VCL: variants seen among roughly 807,000 people sequenced by gnomAD.
VCL encodes vinculin.
Under a neutral mutation model 125.7 loss-of-function variants are expected in VCL, and 47 were observed. The ratio of observed to expected loss-of-function variants is 0.37; its 90% confidence interval spans 0.30 to 0.48. The LOEUF (loss-of-function observed/expected upper bound fraction) is 0.48. Ranked by LOEUF, VCL falls within the 20% of genes least tolerant of loss-of-function variation. The pLI, the probability that VCL is intolerant of heterozygous loss-of-function variation, is 0.99. For missense variants in VCL, 1,069 were observed against 1,455.5 expected, an observed-to-expected ratio of 0.73 and a Z score of 4.32; for synonymous variants, 458 against 514.6, an observed-to-expected ratio of 0.89 and a Z score of 1.49.
At chr10:74,017,553 CTTTCT>C (rs1565634498) in intron 1 of VCL, among the ~76,000 whole-genome samples, 3 of 140,840 alleles carry the variant, frequency 2.1e-5, no homozygotes, top group African/African-American at 2.7e-5. Flanking sequence ...TTCTTTCTTT[CTTTCT>C]TTTTTTTTTT....
intron 2 of VCL, among the ~76,000 whole-genome samples, chr10:74,050,555 G>A (rs1193472235): frequency 6.6e-6 from 1 of 152,126 alleles, no homozygotes; most frequent in Non-Finnish European, 1.5e-5. Context: ...ATCAGGCCTT[G>A]TAGCTTTTTC....
rs1308726131 is a variant in VCL at position 74,119,785 on chromosome 10, A to ATAT, written c.*1618_*1620dup. 1 of 152,634 alleles carries ATAT rather than the reference A, an allele frequency of 6.6e-6. No individual in the cohort carries two copies. 9.5% of individuals were successfully genotyped at this position (152,634 alleles called of 1,614,324 possible). The stretch of plus-strand genomic sequence containing the variant: ...GATGATTATTTTCAAGGCCCTCAGC[A>ATAT]TATTTGTATAGTTGCTTGCCTGATA... On this transcript the variant is annotated 3_prime_UTR_variant, in exon 22 of 22. Coordinates refer to ENST00000211998, the MANE Select transcript of VCL (RefSeq NM_014000.3).
At chr10:74,045,834 A>C (rs1177316212) in intron 2 of VCL, among the ~76,000 whole-genome samples, 12 of 152,094 alleles carry the variant, frequency 7.9e-5, no homozygotes, top group Non-Finnish European at 1.6e-4. Context: ...TTTTTGATTT[A>C]AGTGATGAGT....
At chr10:74,034,577 G>T (rs963866643) in intron 1 of VCL, among the ~76,000 whole-genome samples, 1 of 152,190 alleles carries the variant, frequency 6.6e-6, no homozygotes, top group Admixed American at 6.5e-5. Context: ...ATTTGTCAAC[G>T]AACAACAAGG....
chr10:74,010,051 A>G (rs1840402891), intron 1 of VCL, among the ~76,000 whole-genome samples: 1 of 151,958 alleles, frequency 6.6e-6, no homozygotes, highest in African/African-American at 2.4e-5. Flanking sequence ...CAGCCTCCCA[A>G]GTAGCCGAGA....
rs557786320 is a variant in VCL at position 74,085,315 on chromosome 10, G to A, written c.1022+1802G>A. On this transcript the variant is annotated intron_variant, in intron 8 of 21. Transcript: ENST00000211998. ...GGCTTATGAAAAATAAAGGGGCAGT[G>A]GTGAAGTCTGGCATGGGTAAATACA... Among the ~76,000 whole-genome samples the A allele has an allele frequency of 2.0e-5, 3 of 152,294 alleles. No individual in the cohort carries two copies. The South Asian group carries it at 6.2e-4, about 32-fold the overall frequency.
At chr10:74,066,959 C>T (rs1841579399) in intron 2 of VCL, among the ~76,000 whole-genome samples, 1 of 152,140 alleles carries the variant, frequency 6.6e-6, no homozygotes, top group Non-Finnish European at 1.5e-5. Context: ...TGAGCCACTG[C>T]ACCTGGCATA....
intron 10 of VCL, among the ~76,000 whole-genome samples, chr10:74,092,141 C>T (rs1839900259): frequency 6.6e-6 from 1 of 151,956 alleles, no homozygotes; most frequent in African/African-American, 2.4e-5. Context: ...ATCTCTTGAC[C>T]TCGTGATCCA....
chr10:74,017,251 T>G (rs1006328026), intron 1 of VCL, among the ~76,000 whole-genome samples: 1 of 151,106 alleles, frequency 6.6e-6, no homozygotes, highest in Non-Finnish European at 1.5e-5. Flanking sequence ...GTTTCACCGT[T>G]TTAGCCGGGA....
intron 2 of VCL, among the ~76,000 whole-genome samples, chr10:74,059,331 G>A (rs1841437956): frequency 6.6e-6 from 1 of 151,704 alleles, no homozygotes; most frequent in Admixed American, 6.6e-5. Flanking sequence ...ACTCCAGCCT[G>A]GGTGACAGAG....
chr10:74,101,538 ATTAGTTTTTTTTT>A (rs1177724435), intron 14 of VCL, among the ~76,000 whole-genome samples: 1 of 119,478 alleles, frequency 8.4e-6, no homozygotes, highest in Non-Finnish European at 1.8e-5. Context: ...AGGACTATTT[ATTAGTTTTTTTTT>A]TTTTTTTTTT....
intron 1 of VCL, among the ~76,000 whole-genome samples, chr10:74,037,957 G>A (rs1841014134): frequency 6.6e-6 from 1 of 151,598 alleles, no homozygotes; most frequent in Admixed American, 6.6e-5. Flanking sequence ...CAGTTCTTCA[G>A]TTATACTGGC....
intron 6 of VCL, chr10:74,075,262 A>C (rs1455241670): frequency 4.5e-6 from 1 of 222,828 alleles, no homozygotes; most frequent in Non-Finnish European, 8.9e-6. Flanking sequence ...ACTAAGTAAG[A>C]TACAGATATG....
At chr10:74,015,532 C>T (rs1156501770) in intron 1 of VCL, among the ~76,000 whole-genome samples, 1 of 151,780 alleles carries the variant, frequency 6.6e-6, no homozygotes, top group African/African-American at 2.4e-5. Flanking sequence ...CAGAGGGAAA[C>T]TCTGTCTCCA....
intron 6 of VCL, 74 bp from the exon 7 acceptor site, chr10:74,082,380 C>T: frequency 3.9e-6 from 6 of 1,542,004 alleles, no homozygotes; most frequent in Non-Finnish European, 5.4e-6. Context: ...GCTGTAACTT[C>T]TTCTCTGTCT....
intron 1 of VCL, among the ~76,000 whole-genome samples, chr10:74,027,258 G>A (rs1437363937): frequency 6.6e-6 from 1 of 151,730 alleles, no homozygotes; most frequent in African/African-American, 2.4e-5. Flanking sequence ...ACAGGTGGTA[G>A]CGTTGACCTA....
At position 74,089,360 on chromosome 10, in the gene VCL, T is replaced by C. The variant is rs555770542; in HGVS notation, c.1176+11T>C. 2 of 1,613,738 alleles carry C rather than the reference T, an allele frequency of 1.2e-6. No homozygotes were observed. The highest frequency in any genetic ancestry group is 2.7e-5 in the African/African-American group (2 of 75,024). On this transcript the variant is annotated intron_variant, in intron 9 of 21. Coordinates refer to ENST00000211998, the MANE Select transcript of VCL (RefSeq NM_014000.3). ...ATCGATGCTGCTCAGGTAGTCACAG[T>C]GATTTTCAGGAGGGGTGGGAAATAT...
intron 13 of VCL, among the ~76,000 whole-genome samples, 197 bp from the exon 14 acceptor site, chr10:74,100,751 T>C (rs780965115): frequency 9.9e-5 from 15 of 152,164 alleles, no homozygotes; most frequent in Non-Finnish European, 1.5e-4. Context: ...TTGCACATGA[T>C]GGTGATGGCT....
chr10:74,048,476 A>AG (rs1841235347), intron 2 of VCL, among the ~76,000 whole-genome samples: 1 of 151,978 alleles, frequency 6.6e-6, no homozygotes, highest in Non-Finnish European at 1.5e-5. Context: ...AAAAAAAAAA[A>AG]AAAAGAAAAG....
Sources: allele counts gnomAD v4.1 joint callset (sites outside exome capture counted in the v4.1 genomes callset), GRCh38; gene constraint gnomAD v4.1.1; transcripts MANE v1.5; gene names NCBI Gene and HGNC (gene_info 2026-07-23, HGNC 2026-07-21).